Variants in ACTL10 observed in about 807,000 individuals in gnomAD.
ACTL10 encodes actin like 10.
For synonymous variants in ACTL10, 180 were observed against 169.9 expected, an observed-to-expected ratio of 1.06 and a Z score of -0.46; for missense variants, 413 against 359.4, an observed-to-expected ratio of 1.15 and a Z score of -1.21.
Position 33,667,524 on chromosome 20 carries a change from C to A in ACTL10, c.27C>A (p.Leu9=). The change falls in exon 1 of 1, where the codon CTC becomes CTA. Residue 9 remains leucine (L), a synonymous_variant. Coordinates refer to ENST00000677665, the MANE Select transcript of ACTL10 (RefSeq NM_001024675.2). MASTALLA[L]CSTGAFSGLA... The stretch of plus-strand genomic sequence containing the variant: ...TGGCTAGCACCGCGTTGCTGGCGCT[C>A]TGCTCCACCGGCGCGTTCAGCGGGC... 1 of 1,534,488 alleles carries A rather than the reference C, an allele frequency of 6.5e-7. No individual in the cohort carries two copies. The highest frequency in any genetic ancestry group is 8.8e-7 in the Non-Finnish European group (1 of 1,141,130).
chr20:33,667,383 G>A lies in ACTL10; in HGVS notation c.-115G>A. On this transcript the variant is annotated 5_prime_UTR_variant, in exon 1 of 1. Transcript: ENST00000677665. Reference sequence around the variant, plus strand: ...AGCGCCTGCTGGTGGGCGGCCTGCGGGTGTGCCCAGAGCAGTGGCCCGTGC... The same window carrying A: ...AGCGCCTGCTGGTGGGCGGCCTGCGAGTGTGCCCAGAGCAGTGGCCCGTGC... 7.6e-7 allele frequency: 1 copy of A among 1,307,644 alleles called. No homozygotes were observed. The highest frequency in any genetic ancestry group is 9.8e-7 in the Non-Finnish European group (1 of 1,019,850). 81.0% of individuals were successfully genotyped at this position (1,307,644 alleles called of 1,614,324 possible).
rs1423505731 is a variant in ACTL10, at chr20:33,667,527, C to G, written c.30C>G (p.Cys10Trp). MASTALLAL[C>W]STGAFSGLAV... is the part of the protein sequence containing the mutation. ...CTAGCACCGCGTTGCTGGCGCTCTGCTCCACCGGCGCGTTCAGCGGGCTGG... is the reference window on the plus strand; with the variant it reads ...CTAGCACCGCGTTGCTGGCGCTCTGGTCCACCGGCGCGTTCAGCGGGCTGG... The change falls in exon 1 of 1, where the codon TGC becomes TGG. Residue 10 changes from cysteine (C) to tryptophan (W), a missense_variant. Cys to Trp is a radical substitution (Grantham distance 215). Coordinates refer to ENST00000677665, the MANE Select transcript of ACTL10 (RefSeq NM_001024675.2). 6.5e-7 allele frequency: 1 copy of G among 1,536,458 alleles called. No individual in the cohort carries two copies. Among genetic ancestry groups the G allele is most frequent in the South Asian group, 1.2e-5 (1 of 84,476 alleles).
Position 33,668,128 on chromosome 20 carries a change from AC to A in ACTL10, c.633del (p.Gly212AlafsTer16). The part of the protein sequence containing the change: ...AKHGRGMAVW[T>X]GGSMVASLHS... ...GCATGGGCGTGGCATGGCTGTGTGG[AC>A]CGGCGGCTCCATGGTGGCCTCCCTG... On this transcript the variant is annotated frameshift_variant, in exon 1 of 1. Coordinates refer to ENST00000677665, the MANE Select transcript of ACTL10 (RefSeq NM_001024675.2). LOFTEE classifies it high-confidence loss of function. 6.2e-7 allele frequency: 1 copy of A among 1,610,840 alleles called. No homozygotes were observed. Among genetic ancestry groups the A allele is most frequent in the African/African-American group, 1.3e-5 (1 of 75,002 alleles).
At position 33,668,007 on chromosome 20, in the gene ACTL10, A is replaced by G. The variant is rs1568900650; in HGVS notation, c.510A>G (p.Thr170=). 1 of 1,543,708 alleles carries G rather than the reference A, an allele frequency of 6.5e-7. No homozygotes were observed. The highest frequency in any genetic ancestry group is 2.0e-5 in the Admixed American group (1 of 50,416). ...CCGTGGTGCTAGCCGGCGGCTCCAC[A>G]CTGTTTCCTGGCTTCGCCGAGCGCC... ...ADTVVLAGGS[T]LFPGFAERLD... The change falls in exon 1 of 1, where the codon ACA becomes ACG. Residue 170 remains threonine, a synonymous_variant. Transcript: ENST00000677665.
Position 33,667,791 on chromosome 20 carries a change from C to T in ACTL10, c.294C>T (p.Pro98=), listed in dbSNP as rs1300690781. The T allele has an allele frequency of 1.9e-6, 3 of 1,612,482 alleles. No homozygotes were observed. The highest frequency in any genetic ancestry group is 2.5e-6 in the Non-Finnish European group (3 of 1,179,868). Residue 98 remains proline (P), a synonymous_variant, in exon 1 of 1, where the codon CCC becomes CCT. Transcript: ENST00000677665. ...SLDFEGDLRD[P]ARHHPASFSV... Reference sequence around the variant, plus strand: ...ACTTCGAGGGCGACCTCCGCGACCCCGCCCGCCACCATCCGGCCAGTTTCA... The same window carrying T: ...ACTTCGAGGGCGACCTCCGCGACCCTGCCCGCCACCATCCGGCCAGTTTCA...
chr20:33,668,212 C>T lies in ACTL10; in HGVS notation c.715C>T (p.Leu239=), dbSNP rs777592799. ...CATGTACCAGGAGTGTGGCTCCAGGCTGCTGTACGATGTGTTCAACTGAGT... is the reference window on the plus strand; with the variant it reads ...CATGTACCAGGAGTGTGGCTCCAGGTTGCTGTACGATGTGTTCAACTGAGT... ...RAMYQECGSR[L]LYDVFN is the part of the protein sequence containing the mutation. The change falls in exon 1 of 1, where the codon CTG becomes TTG. Residue 239 remains leucine, a synonymous_variant. Coordinates refer to ENST00000677665, the MANE Select transcript of ACTL10 (RefSeq NM_001024675.2). 29 of 1,600,754 alleles carry T rather than the reference C, an allele frequency of 1.8e-5. No homozygotes were observed. Among genetic ancestry groups the T allele is most frequent in the Non-Finnish European group, 2.3e-5 (27 of 1,173,196 alleles).
rs762502284 is a variant in ACTL10 at position 33,667,870 on chromosome 20, G to A, written c.373G>A (p.Glu125Lys). Reference sequence around the variant, plus strand: ...CAGCAGTGAGCGCTTCCGCTGCCCCGAACCCATCTTCCAGCCGGGCCTGCT... The same window carrying A: ...CAGCAGTGAGCGCTTCCGCTGCCCCAAACCCATCTTCCAGCCGGGCCTGCT... ...CLSSERFRCP[E>K]PIFQPGLLGQ... Residue 125 changes from glutamate to lysine, a missense_variant, in exon 1 of 1, where the codon GAA (glutamate) becomes AAA (lysine). Physicochemically the swap from Glu to Lys is moderately conservative, Grantham distance 56 (BLOSUM62 1). Coordinates refer to ENST00000677665, the MANE Select transcript of ACTL10 (RefSeq NM_001024675.2). The A allele has an allele frequency of 5.0e-6, 8 of 1,601,232 alleles. No homozygotes were observed. The highest frequency in any genetic ancestry group is 2.3e-5 in the East Asian group (1 of 44,114).
In ACTL10 at chr20:33,667,357, G is replaced by A; in HGVS notation, c.-141G>A. 1 of 1,129,350 alleles carries A rather than the reference G, an allele frequency of 8.9e-7. No homozygotes were observed. Among genetic ancestry groups the A allele is most frequent in the South Asian group, 2.4e-5 (1 of 40,998 alleles). 70.0% of individuals were successfully genotyped at this position (1,129,350 alleles called of 1,614,324 possible). A position where few individuals can be genotyped will look rare whatever the true frequency, so the allele number is the denominator to read the frequency against. On this transcript the variant is annotated 5_prime_UTR_variant, in exon 1 of 1. Coordinates refer to ENST00000677665, the MANE Select transcript of ACTL10 (RefSeq NM_001024675.2). Reference sequence around the variant, plus strand: ...CTGGGAGGCGCTGGAAGGGCTGTGGGAGCGCCTGCTGGTGGGCGGCCTGCG... The same window carrying A: ...CTGGGAGGCGCTGGAAGGGCTGTGGAAGCGCCTGCTGGTGGGCGGCCTGCG...
In ACTL10 at chr20:33,667,510, G is replaced by A. The variant is rs371361236; in HGVS notation, c.13G>A (p.Ala5Thr). MASTALLALCSTGAF... is the reference protein window; with the variant it reads MASTTLLALCSTGAF... ...GCCCGCGTGCCACATGGCTAGCACCGCGTTGCTGGCGCTCTGCTCCACCGG... is the reference window on the plus strand; with the variant it reads ...GCCCGCGTGCCACATGGCTAGCACCACGTTGCTGGCGCTCTGCTCCACCGG... Residue 5 changes from alanine to threonine, a missense_variant, in exon 1 of 1, where the codon GCG becomes ACG. Ala to Thr is a moderately conservative substitution (Grantham distance 58). Transcript: ENST00000677665. 87 of 1,520,508 alleles carry A rather than the reference G, an allele frequency of 5.7e-5. No homozygotes were observed. The highest frequency in any genetic ancestry group is 7.2e-5 in the Non-Finnish European group (82 of 1,135,008). 94.2% of individuals were successfully genotyped at this position (1,520,508 alleles called of 1,614,324 possible).
Position 33,667,665 on chromosome 20 carries a change from G to A in ACTL10, c.168G>A (p.Leu56=). Residue 56 remains leucine (L), a synonymous_variant, in exon 1 of 1, where the codon CTG becomes CTA. Coordinates refer to ENST00000677665, the MANE Select transcript of ACTL10 (RefSeq NM_001024675.2). ...NVAGSTLSRY[L]RDLLVAANPD... is the part of the protein sequence containing the mutation. ...CAGGCAGCACCCTGTCGCGCTACCT[G>A]CGGGATCTGCTGGTGGCGGCGAACC... The A allele has an allele frequency of 6.2e-7, 1 of 1,611,322 alleles. No homozygotes were observed. The highest frequency in any genetic ancestry group is 8.5e-7 in the Non-Finnish European group (1 of 1,179,490).
At position 33,667,203 on chromosome 20, in the gene ACTL10, G is replaced by A. The variant is rs1849059033; in HGVS notation, c.-295G>A. The A allele has an allele frequency of 6.3e-6, 2 of 316,972 alleles. No homozygotes were observed. The highest frequency in any genetic ancestry group is 8.6e-4 in the Middle Eastern group (1 of 1,168). 19.6% of individuals were successfully genotyped at this position (316,972 alleles called of 1,614,324 possible). The stretch of plus-strand genomic sequence containing the variant: ...CGGGCTTCGCGGGCGAGAACCAGCC[G>A]CGCATAGTGCTGAAGAGCTCTAGCT... On this transcript the variant is annotated 5_prime_UTR_variant, in exon 1 of 1. Transcript: ENST00000677665.
Position 33,668,250 on chromosome 20 carries a change from G to C in ACTL10, c.*15G>C, listed in dbSNP as rs1416806498. Reference sequence around the variant, plus strand: ...TGTTCAACTGAGTCAGGCTGGACTGGGGGGGGTGGCACTGCGTTGGGGGAC... The same window carrying C: ...TGTTCAACTGAGTCAGGCTGGACTGCGGGGGGTGGCACTGCGTTGGGGGAC... On this transcript the variant is annotated 3_prime_UTR_variant, in exon 1 of 1. Transcript: ENST00000677665. The C allele has an allele frequency of 7.0e-6, 11 of 1,562,590 alleles. No homozygotes were observed. Among genetic ancestry groups the C allele is most frequent in the African/African-American group, 2.7e-5 (2 of 73,528 alleles).
rs779071564 is a variant in ACTL10 at position 33,667,754 on chromosome 20, A to G, written c.257A>G (p.Tyr86Cys). The change falls in exon 1 of 1, where the codon TAC becomes TGC. Residue 86 changes from tyrosine (Y) to cysteine (C), a missense_variant. Transcript: ENST00000677665. ...ACACATCTCAAGAAGCGCAGCTGCT[A>G]CGTGTCCCTGGACTTCGAGGGCGAC... ...AITHLKKRSC[Y>C]VSLDFEGDLR... 7 of 1,612,376 alleles carry G rather than the reference A, an allele frequency of 4.3e-6. No individual in the cohort carries two copies. The South Asian group carries it at 7.7e-5, about 18-fold the overall frequency.
chr20:33,667,959 G>T lies in ACTL10; in HGVS notation c.462G>T (p.Thr154=), dbSNP rs1235091848. Residue 154 remains threonine (T), a synonymous_variant, in exon 1 of 1, where the codon ACG becomes ACT. Coordinates refer to ENST00000677665, the MANE Select transcript of ACTL10 (RefSeq NM_001024675.2). ...AFRALQKMPK[T]LRTRLADTVV... Reference sequence around the variant, plus strand: ...GGGCGCTGCAGAAGATGCCCAAAACGCTGCGGACACGCCTGGCAGACACCG... The same window carrying T: ...GGGCGCTGCAGAAGATGCCCAAAACTCTGCGGACACGCCTGGCAGACACCG... 7.1e-6 allele frequency: 11 copies of T among 1,551,428 alleles called. No individual in the cohort carries two copies. Among genetic ancestry groups the T allele is most frequent in the Non-Finnish European group, 9.6e-6 (11 of 1,147,926 alleles).
rs2017691834 is a variant in ACTL10, at chr20:33,667,421, C to T, written c.-77C>T. ...CAGTGGCCCGTGCTGGTGAGCGACTCGCCGTTGGCGCCGCCCGCGGGCCGC... is the reference window on the plus strand; with the variant it reads ...CAGTGGCCCGTGCTGGTGAGCGACTTGCCGTTGGCGCCGCCCGCGGGCCGC... On this transcript the variant is annotated 5_prime_UTR_variant, in exon 1 of 1. Coordinates refer to ENST00000677665, the MANE Select transcript of ACTL10 (RefSeq NM_001024675.2). The T allele has an allele frequency of 7.1e-7, 1 of 1,410,306 alleles. No homozygotes were observed. Among genetic ancestry groups the T allele is most frequent in the Non-Finnish European group, 9.2e-7 (1 of 1,088,906 alleles). The allele number at this position is 1,410,306 out of a possible 1,614,324, so 87.4% of individuals were successfully genotyped here.
Position 33,667,890 on chromosome 20 carries a change from C to A in ACTL10, c.393C>A (p.Gly131=). ...GCCCCGAACCCATCTTCCAGCCGGG[C>A]CTGCTGGGCCAGGCTGAGCAGGGGC... ...FRCPEPIFQP[G]LLGQAEQGLP... Residue 131 remains glycine, a synonymous_variant, in exon 1 of 1, where the codon GGC becomes GGA. Coordinates refer to ENST00000677665, the MANE Select transcript of ACTL10 (RefSeq NM_001024675.2). 1 of 1,587,862 alleles carries A rather than the reference C, an allele frequency of 6.3e-7. No individual in the cohort carries two copies. Among genetic ancestry groups the A allele is most frequent in the Non-Finnish European group, 8.6e-7 (1 of 1,167,590 alleles).
Position 33,666,994 on chromosome 20 carries a change from T to C in ACTL10, c.-504T>C, listed in dbSNP as rs1258336628. 6.4e-6 allele frequency: 1 copy of C among 155,266 alleles called. No individual in the cohort carries two copies. Among genetic ancestry groups the C allele is most frequent in the Admixed American group, 6.5e-5 (1 of 15,346 alleles). 9.6% of individuals were successfully genotyped at this position (155,266 alleles called of 1,614,324 possible). On this transcript the variant is annotated 5_prime_UTR_variant, in exon 1 of 1. Coordinates refer to ENST00000677665, the MANE Select transcript of ACTL10 (RefSeq NM_001024675.2). ...CCAAAGGCTGAAGGGGACTACTCCC[T>C]AGGACAGAGGCCGGGAGGTATCGGG...
chr20:33,667,745 G>A lies in ACTL10; in HGVS notation c.248G>A (p.Arg83His), dbSNP rs780269571. 2.5e-6 allele frequency: 4 copies of A among 1,612,434 alleles called. No homozygotes were observed. Among genetic ancestry groups the A allele is most frequent in the Admixed American group, 3.3e-5 (2 of 60,024 alleles). Residue 83 changes from arginine to histidine, a missense_variant, in exon 1 of 1, where the codon CGC becomes CAC. Coordinates refer to ENST00000677665, the MANE Select transcript of ACTL10 (RefSeq NM_001024675.2). The stretch of plus-strand genomic sequence containing the variant: ...AAGGCCATCACACATCTCAAGAAGC[G>A]CAGCTGCTACGTGTCCCTGGACTTC... The part of the protein sequence containing the change: ...PRKAITHLKK[R>H]SCYVSLDFEG...
chr20:33,667,842 C>T lies in ACTL10; in HGVS notation c.345C>T (p.Cys115=). ...GCGTGGGTAACGGGTGCTGCGTCTG[C>T]CTCAGCAGTGAGCGCTTCCGCTGCC... ...SFSVGNGCCV[C]LSSERFRCPE... Residue 115 remains cysteine (C), a synonymous_variant, in exon 1 of 1, where the codon TGC becomes TGT. Transcript: ENST00000677665. 1.2e-6 allele frequency: 2 copies of T among 1,610,198 alleles called. No individual in the cohort carries two copies. Among genetic ancestry groups the T allele is most frequent in the South Asian group, 2.2e-5 (2 of 90,836 alleles).
Sources: gnomAD v4.1 joint callset for allele counts on GRCh38, gnomAD v4.1.1 for gene constraint, MANE v1.5 for transcripts, NCBI Gene and HGNC (gene_info 2026-07-23, HGNC 2026-07-21) for gene names.